Variants in BABAM2 observed in about 807,000 individuals in gnomAD.
The protein encoded by BABAM2 is BRISC and BRCA1-A complex member 2.
In BABAM2, 31 loss-of-function variants were observed where a neutral mutation model predicts 54.7. That is an observed-to-expected ratio of 0.57 (90% confidence interval 0.43 to 0.77). The LOEUF is 0.77. Among genes scored for constraint, BABAM2 ranks in the 30% least tolerant of loss-of-function variants. The probability of loss-of-function intolerance (pLI) is 0.00; values close to 1 mark genes in which losing one functional copy is unlikely to be tolerated. For missense variants in BABAM2, 364 were observed against 455.8 expected (o/e 0.80, Z 1.83); for synonymous variants, 167 against 162.9 (o/e 1.03, Z -0.19).
At chr2:27,982,044 G>A (rs1672043956) in intron 3 of BABAM2, among the ~76,000 whole-genome samples, 1 of 152,048 alleles carries the variant, frequency 6.6e-6, no homozygotes, top group Non-Finnish European at 1.5e-5. Flanking sequence ...TTTGATTATA[G>A]CCATCCAAGT....
intron 7 of BABAM2, among the ~76,000 whole-genome samples, chr2:28,185,606 G>C (rs79692458): frequency 6.6e-6 from 1 of 152,162 alleles, no homozygotes; most frequent in African/African-American, 2.4e-5. Flanking sequence ...AATCCCCTTG[G>C]CCAGCGTCAG....
intron 10 of BABAM2, among the ~76,000 whole-genome samples, chr2:28,288,329 CT>C (rs370784439): frequency 0.11 from 14,424 of 134,090 alleles, 848 homozygotes; most frequent in African/African-American, 0.2. Context: ...CTTTTCTTTT[CT>C]TTTTTTTTTT....
chr2:28,251,402 T>C (rs1193782709), intron 10 of BABAM2, among the ~76,000 whole-genome samples: 2 of 152,326 alleles, frequency 1.3e-5, no homozygotes, highest in Non-Finnish European at 1.5e-5. Context: ...AGCTTCTGTT[T>C]ATTGCTACAA....
chr2:27,929,588 C>CT (rs1667950259), intron 2 of BABAM2, among the ~76,000 whole-genome samples: 1 of 152,166 alleles, frequency 6.6e-6, no homozygotes, highest in African/African-American at 2.4e-5. Flanking sequence ...TTGAAGCACA[C>CT]TGTTGATGTT....
intron 7 of BABAM2, among the ~76,000 whole-genome samples, chr2:28,163,204 G>C (rs913686859): frequency 2.6e-5 from 4 of 152,130 alleles, no homozygotes; most frequent in African/African-American, 7.2e-5. Context: ...CAGCCACCCT[G>C]CTTCCCCCAT....
chr2:28,135,612 T>C (rs11127133), intron 7 of BABAM2, among the ~76,000 whole-genome samples: 113,513 of 152,028 alleles, frequency 0.75, 43,143 homozygotes, highest in African/African-American at 0.84. Flanking sequence ...ACCTCAAATT[T>C]AAAGGGCCTG....
At chr2:27,891,321 A>G (rs1664823489) in intron 1 of BABAM2, among the ~76,000 whole-genome samples, 1 of 152,182 alleles carries the variant, frequency 6.6e-6, no homozygotes, top group Non-Finnish European at 1.5e-5. Context: ...AGCAGGGCAC[A>G]TGTTTCCGTG....
intron 11 of BABAM2, chr2:28,307,821 A>G (rs77816346): frequency 6.6e-6 from 1 of 152,124 alleles, no homozygotes; most frequent in Non-Finnish European, 1.5e-5. Flanking sequence ...TAAAAAAAAA[A>G]CCTATTTAAA....
chr2:28,149,272 G>A (rs1036589295), intron 7 of BABAM2, among the ~76,000 whole-genome samples: 1 of 152,144 alleles, frequency 6.6e-6, no homozygotes. Flanking sequence ...TACTGGGTAC[G>A]AAGACTCAGC....
At chr2:28,027,394 A>C (rs1161507694) in intron 5 of BABAM2, among the ~76,000 whole-genome samples, 1 of 152,222 alleles carries the variant, frequency 6.6e-6, no homozygotes, top group Non-Finnish European at 1.5e-5. Flanking sequence ...TGATTTGAGC[A>C]ACCACCACCA....
chr2:28,301,252 T>G (rs768566042), intron 11 of BABAM2, among the ~76,000 whole-genome samples: 1 of 152,238 alleles, frequency 6.6e-6, no homozygotes, highest in Non-Finnish European at 1.5e-5. Flanking sequence ...TATTCCCTCC[T>G]GTAGAGCAAA....
At chr2:28,088,368 A>G (rs1665862840) in intron 6 of BABAM2, among the ~76,000 whole-genome samples, 1 of 152,190 alleles carries the variant, frequency 6.6e-6, no homozygotes, top group Non-Finnish European at 1.5e-5. Context: ...ATTGGGGTAC[A>G]TAAGGTGGTG....
intron 3 of BABAM2, among the ~76,000 whole-genome samples, chr2:27,933,604 AAC>A (rs1326521480): frequency 1.3e-5 from 2 of 151,626 alleles, no homozygotes; most frequent in African/African-American, 4.8e-5. Context: ...GAGTAGTTGG[AAC>A]TACAGGTGCC....
At chr2:28,315,987 C>T (rs1414037388) in intron 11 of BABAM2, among the ~76,000 whole-genome samples, 1 of 152,084 alleles carries the variant, frequency 6.6e-6, no homozygotes, top group African/African-American at 2.4e-5. Context: ...GCCTCCATGT[C>T]CAGGGCTTTT....
At chr2:28,266,250 G>A (rs902187608) in intron 10 of BABAM2, among the ~76,000 whole-genome samples, 1 of 152,178 alleles carries the variant, frequency 6.6e-6, no homozygotes. Context: ...ACCTCCCAAA[G>A]TGTTGGGATT....
intron 3 of BABAM2, among the ~76,000 whole-genome samples, chr2:27,933,504 A>G (rs182338044): frequency 1.3e-5 from 2 of 151,914 alleles, no homozygotes; most frequent in East Asian, 3.9e-4. Context: ...TATATATAAC[A>G]TACACATATA....
At chr2:28,107,092 T>C (rs73922234) in intron 6 of BABAM2, among the ~76,000 whole-genome samples, 1,544 of 152,254 alleles carry the variant, frequency 0.01, 28 homozygotes, top group African/African-American at 0.035. Context: ...ATATATTATA[T>C]CCATCCCCCT....
chr2:28,116,519 C>T (rs1371415754), intron 6 of BABAM2, among the ~76,000 whole-genome samples: 3 of 152,162 alleles, frequency 2.0e-5, no homozygotes, highest in African/African-American at 7.2e-5. Context: ...AGCCAAGTGA[C>T]CTGCTGGCTG....
intron 7 of BABAM2, among the ~76,000 whole-genome samples, chr2:28,146,524 G>A (rs1454177925): frequency 6.6e-6 from 1 of 152,044 alleles, no homozygotes; most frequent in African/African-American, 2.4e-5. Flanking sequence ...TAAGAAAATG[G>A]CAAAAAATCT....
Sources: gnomAD v4.1 joint callset for allele counts (sites outside exome capture counted in the v4.1 genomes callset) on GRCh38, gnomAD v4.1.1 for gene constraint, MANE v1.5 for transcripts, NCBI Gene and HGNC (gene_info 2026-07-23, HGNC 2026-07-21) for gene names.